The following TMEM222 variants were observed in gnomAD, a reference collection of about 807,000 sequenced individuals.
TMEM222 encodes the protein transmembrane protein 222.
TMEM222 carries 18 observed loss-of-function variants against 25.1 expected under a neutral mutation model. The ratio of observed to expected loss-of-function variants is 0.72; its 90% CI spans 0.50 to 1.06. The LOEUF (loss-of-function observed/expected upper bound fraction) is 1.06. Among genes scored for constraint, TMEM222 ranks in the 50% least tolerant of loss-of-function variants. TMEM222 has a pLI of 0.00. For synonymous variants in TMEM222, 131 were observed against 117.9 expected (o/e 1.11, Z -0.72); for missense variants, 296 against 293.7 (o/e 1.01, Z -0.06).
chr1:27,322,768 C>T (rs1218361390), intron 1 of TMEM222, among the ~76,000 whole-genome samples: 2 of 152,150 alleles, frequency 1.3e-5, no homozygotes, highest in Non-Finnish European at 2.9e-5. Flanking sequence ...TTACCATATT[C>T]CAGACATACT....
chr1:27,333,864 C>A, intron 3 of TMEM222, 94 bp from the exon 4 acceptor site: 2 of 1,141,062 alleles, frequency 1.8e-6, no homozygotes, highest in African/African-American at 1.5e-5. Context: ...GCACCCAGCT[C>A]AGGCCCGGGC....
Position 27,330,811 on chromosome 1 carries a change from C to A in TMEM222, c.279+7C>A. On this transcript the variant is annotated splice_region_variant and intron_variant, in intron 2 of 5. Coordinates refer to ENST00000374076, the MANE Select transcript of TMEM222 (RefSeq NM_032125.3). The stretch of plus-strand genomic sequence containing the variant: ...GGGCCCCTACTTTGTCTCAGTGAGT[C>A]CCCATTCTGCCCACCCGGGGGGTTC... 6.2e-7 allele frequency: 1 copy of A among 1,613,938 alleles called. No individual in the cohort carries two copies. The highest frequency in any genetic ancestry group is 8.5e-7 in the Non-Finnish European group (1 of 1,179,812).
chr1:27,336,119 G>A lies in TMEM222; in HGVS notation c.*653G>A, dbSNP rs972970210. 1.3e-5 allele frequency: 2 copies of A among 154,750 alleles called. No homozygotes were observed. The highest frequency in any genetic ancestry group is 2.9e-5 in the Non-Finnish European group (2 of 69,778). The allele number at this position is 154,750 out of a possible 1,614,324, so 9.6% of individuals were successfully genotyped here. A position where few individuals can be genotyped will look rare whatever the true frequency, so the allele number is the denominator to read the frequency against. ...CCCCCTGCAGTTTGAGGCCAGAGAG[G>A]TGAGTGGACCTGACAAGTGCCAGAG... On this transcript the variant is annotated 3_prime_UTR_variant, in exon 6 of 6. Transcript: ENST00000374076.
At position 27,325,697 on chromosome 1, in the gene TMEM222, C is replaced by T. The variant is rs560950732; in HGVS notation, c.194+3306C>T. On this transcript the variant is annotated intron_variant, in intron 1 of 5. Coordinates refer to ENST00000374076, the MANE Select transcript of TMEM222 (RefSeq NM_032125.3). The stretch of plus-strand genomic sequence containing the variant: ...GCAAGTACTCTGTGTGGATCAGCGG[C>T]TCCATCCTGGCCTCACTGTCCACCT... 32 of 843,574 alleles carry T rather than the reference C, an allele frequency of 3.8e-5. No homozygotes were observed. The East Asian group carries it at 6.8e-4, about 18-fold the overall frequency. 52.3% of individuals were successfully genotyped at this position (843,574 alleles called of 1,614,324 possible).
chr1:27,322,249 C>T lies in TMEM222; in HGVS notation c.52C>T (p.Pro18Ser). Residue 18 changes from proline to serine, a missense_variant, in exon 1 of 6, where the codon CCG (proline) becomes TCG (serine). Pro to Ser is a moderately conservative substitution (Grantham distance 74). Coordinates refer to ENST00000374076, the MANE Select transcript of TMEM222 (RefSeq NM_032125.3). ...GCTCTTGTTGCCGCCGCCGCCACCCCCGCCCAGGATGGCGGAAGTGGAGGC... is the reference window on the plus strand; with the variant it reads ...GCTCTTGTTGCCGCCGCCGCCACCCTCGCCCAGGATGGCGGAAGTGGAGGC... ...SLLLLPPPPP[P>S]PRMAEVEAPT... The T allele has an allele frequency of 3.3e-6, 5 of 1,498,160 alleles. No homozygotes were observed. The highest frequency in any genetic ancestry group is 4.5e-6 in the Non-Finnish European group (5 of 1,119,510). 92.8% of individuals were successfully genotyped at this position (1,498,160 alleles called of 1,614,324 possible).
At chr1:27,328,244 C>T (rs747830092) in intron 1 of TMEM222, among the ~76,000 whole-genome samples, 8 of 151,922 alleles carry the variant, frequency 5.3e-5, no homozygotes, top group African/African-American at 1.5e-4. Context: ...GTGTTCCAGA[C>T]GGAGGAGAGG....
chr1:27,333,631 C>G, intron 3 of TMEM222: 1 of 404,622 alleles, frequency 2.5e-6, no homozygotes. Context: ...GAGCTAATCA[C>G]CCCATGGCCT....
At chr1:27,329,168 T>C (rs2014421065) in intron 1 of TMEM222, among the ~76,000 whole-genome samples, 1 of 152,024 alleles carries the variant, frequency 6.6e-6, no homozygotes, top group African/African-American at 2.4e-5. Flanking sequence ...AAGCCTTTCC[T>C]GAACTCCCCC....
chr1:27,326,144 C>T (rs1354356145), intron 1 of TMEM222, among the ~76,000 whole-genome samples: 1 of 152,134 alleles, frequency 6.6e-6, no homozygotes, highest in African/African-American at 2.4e-5. Flanking sequence ...CAGCAGTCTC[C>T]GATCTTTGCA....
intron 1 of TMEM222, 102 bp from the exon 2 acceptor site, chr1:27,330,618 A>T: frequency 1.0e-6 from 1 of 985,436 alleles, no homozygotes; most frequent in Non-Finnish European, 1.6e-6. Context: ...AATGAAACGT[A>T]ATATTCACAT....
chr1:27,335,814 G>A lies in TMEM222; in HGVS notation c.*348G>A, dbSNP rs2014593046. 3.0e-6 allele frequency: 1 copy of A among 331,068 alleles called. No homozygotes were observed. Among genetic ancestry groups the A allele is most frequent in the South Asian group, 3.4e-5 (1 of 29,770 alleles). 20.5% of individuals were successfully genotyped at this position (331,068 alleles called of 1,614,324 possible). ...CCCAGTGCCCAGTATGGGGAGAGGA[G>A]GACATTTGGGCTCACCTGTCAAGGT... On this transcript the variant is annotated 3_prime_UTR_variant, in exon 6 of 6. Transcript: ENST00000374076.
chr1:27,335,271 T>C, intron 5 of TMEM222, 108 bp from the exon 6 acceptor site: 5 of 1,161,398 alleles, frequency 4.3e-6, no homozygotes, highest in South Asian at 2.5e-5. Flanking sequence ...GGTTGGGTTT[T>C]CCTTAGGGAT....
At chr1:27,329,349 A>G (rs1157404570) in intron 1 of TMEM222, among the ~76,000 whole-genome samples, 1 of 152,118 alleles carries the variant, frequency 6.6e-6, no homozygotes, top group Non-Finnish European at 1.5e-5. Context: ...AAGCAATGCT[A>G]AGACCCAGAG....
chr1:27,332,900 C>T (rs2014514382), intron 3 of TMEM222: 1 of 292,090 alleles, frequency 3.4e-6, no homozygotes, highest in Non-Finnish European at 6.7e-6. Context: ...CCCTAAGCGG[C>T]CCCAGTCCAG....
chr1:27,333,596 A>G (rs913313835), intron 3 of TMEM222: 2 of 404,290 alleles, frequency 4.9e-6, no homozygotes, highest in African/African-American at 4.1e-5. Flanking sequence ...GGGCTCTTTT[A>G]TAAGGACACG....
At chr1:27,334,945 A>G in intron 5 of TMEM222, 8 of 483,572 alleles carry the variant, frequency 1.7e-5, no homozygotes, top group Non-Finnish European at 2.1e-5. Context: ...CAGCCACAAC[A>G]CTGCTGACCC....
chr1:27,329,303 C>T (rs2014424715), intron 1 of TMEM222, among the ~76,000 whole-genome samples: 1 of 151,586 alleles, frequency 6.6e-6, no homozygotes, highest in South Asian at 2.1e-4. Flanking sequence ...TTGCATATCA[C>T]ACACTCATGT....
chr1:27,329,199 C>T (rs185817679), intron 1 of TMEM222, among the ~76,000 whole-genome samples: 285 of 151,010 alleles, frequency 1.9e-3, no homozygotes, highest in African/African-American at 6.6e-3. Context: ...GTGTCATGAC[C>T]GCCCACCTTT....
intron 5 of TMEM222, 146 bp from the exon 6 acceptor site, chr1:27,335,233 T>G: frequency 1.9e-5 from 14 of 753,364 alleles, no homozygotes; most frequent in Non-Finnish European, 2.9e-5. Context: ...CCTGCTTCCT[T>G]GATTGGCCAA....
Sources: allele counts gnomAD v4.1 joint callset (sites outside exome capture counted in the v4.1 genomes callset), GRCh38; gene constraint gnomAD v4.1.1; transcripts MANE v1.5; gene names NCBI Gene and HGNC (gene_info 2026-07-23, HGNC 2026-07-21).